GRK3: variants seen among roughly 807,000 people sequenced by gnomAD.
GRK3 encodes G protein-coupled receptor kinase 3, also known as adrenergic, beta, receptor kinase 2.
In GRK3, 54 loss-of-function variants were observed where a neutral mutation model predicts 95.7. The ratio of observed to expected loss-of-function variants is 0.56; its 90% CI spans 0.45 to 0.71. The LOEUF is 0.71. Among genes scored for constraint, GRK3 ranks in the 30% least tolerant of loss-of-function variants. The pLI, the probability that GRK3 is intolerant of heterozygous loss-of-function variation, is 0.00. For missense variants in GRK3, 649 were observed against 851.2 expected (o/e 0.76, Z 2.96); for synonymous variants, 281 against 290.8 (o/e 0.97, Z 0.34).
intron 2 of GRK3, among the ~76,000 whole-genome samples, chr22:25,632,236 T>A (rs1219167341): frequency 6.6e-6 from 1 of 152,240 alleles, no homozygotes; most frequent in Admixed American, 6.5e-5. Flanking sequence ...CTTTTGTTAT[T>A]CTAGTAAGTA....
intron 2 of GRK3, among the ~76,000 whole-genome samples, chr22:25,629,820 G>T (rs1187373508): frequency 6.6e-6 from 1 of 152,218 alleles, no homozygotes; most frequent in Non-Finnish European, 1.5e-5. Flanking sequence ...GAGGATGACA[G>T]GTGGCTGGGA....
chr22:25,684,692 G>T (rs972100328), intron 9 of GRK3: 1 of 152,634 alleles, frequency 6.6e-6, no homozygotes, highest in African/African-American at 2.4e-5. Flanking sequence ...TTTTGAAGAG[G>T]ATATAATTAG....
chr22:25,613,655 G>C (rs948586710), intron 2 of GRK3, among the ~76,000 whole-genome samples: 1 of 151,298 alleles, frequency 6.6e-6, no homozygotes, highest in Non-Finnish European at 1.5e-5. Flanking sequence ...CTAGGGTAGA[G>C]GAAAAGCTGT....
At chr22:25,649,246 C>T (rs1601500653) in intron 3 of GRK3, 5 of 1,170,248 alleles carry the variant, frequency 4.3e-6, no homozygotes, top group African/African-American at 3.0e-5. Flanking sequence ...TTCAAGTAGC[C>T]TATTTTATAT....
chr22:25,597,183 CAT>C (rs1272223637), intron 1 of GRK3, among the ~76,000 whole-genome samples: 1 of 151,824 alleles, frequency 6.6e-6, no homozygotes, highest in Admixed American at 6.6e-5. Flanking sequence ...AATGTTCTAA[CAT>C]GTGAGTAAGT....
chr22:25,657,418 G>C (rs939345158), intron 3 of GRK3, among the ~76,000 whole-genome samples: 1 of 152,100 alleles, frequency 6.6e-6, no homozygotes, highest in African/African-American at 2.4e-5. Flanking sequence ...CATATGAAAT[G>C]TGTCTATCTC....
At chr22:25,696,158 T>A (rs2085207181) in intron 13 of GRK3, among the ~76,000 whole-genome samples, 3 of 151,910 alleles carry the variant, frequency 2.0e-5, no homozygotes, top group African/African-American at 7.3e-5. Flanking sequence ...TTTTTTAATG[T>A]TTTTAGAGGT....
intron 1 of GRK3, among the ~76,000 whole-genome samples, chr22:25,574,212 G>A (rs936806823): frequency 2.6e-5 from 4 of 151,976 alleles, no homozygotes; most frequent in African/African-American, 9.7e-5. Context: ...TTAAAAATGA[G>A]GCCAGGTGTG....
intron 2 of GRK3, among the ~76,000 whole-genome samples, chr22:25,609,427 G>A (rs554020328): frequency 6.6e-6 from 1 of 152,086 alleles, no homozygotes; most frequent in African/African-American, 2.4e-5. Flanking sequence ...TGCCTCACAG[G>A]TTCAAGCAAT....
intron 1 of GRK3, among the ~76,000 whole-genome samples, chr22:25,577,224 G>A (rs1211337081): frequency 1.3e-5 from 2 of 151,740 alleles, no homozygotes; most frequent in Non-Finnish European, 2.9e-5. Flanking sequence ...CCAGGCTGGA[G>A]TGCAGCGGTG....
At chr22:25,648,609 T>C in intron 3 of GRK3, 1 of 1,154,160 alleles carries the variant, frequency 8.7e-7, no homozygotes, top group South Asian at 1.3e-5. Context: ...TGTTCCACTA[T>C]ATGCTGTTGT....
At chr22:25,608,073 A>G (rs1423136031) in intron 2 of GRK3, among the ~76,000 whole-genome samples, 1 of 152,204 alleles carries the variant, frequency 6.6e-6, no homozygotes, top group Admixed American at 6.5e-5. Flanking sequence ...AAGTGGGCTC[A>G]GATGTGGTCG....
At chr22:25,592,682 T>TGCA (rs1932532319) in intron 1 of GRK3, among the ~76,000 whole-genome samples, 2 of 147,898 alleles carry the variant, frequency 1.4e-5, no homozygotes, top group East Asian at 4.0e-4. Context: ...ATTTAAGGGG[T>TGCA]ACATGTGCAG....
chr22:25,655,222 G>A (rs1371409829), intron 3 of GRK3, among the ~76,000 whole-genome samples: 1 of 152,056 alleles, frequency 6.6e-6, no homozygotes, highest in Non-Finnish European at 1.5e-5. Flanking sequence ...AGTTCTAACT[G>A]CGTATCCTGG....
At chr22:25,601,497 A>G (rs2084409257) in intron 1 of GRK3, among the ~76,000 whole-genome samples, 1 of 152,224 alleles carries the variant, frequency 6.6e-6, no homozygotes, top group African/African-American at 2.4e-5. Flanking sequence ...TATCTGTGAG[A>G]TGCAGTTAAA....
At chr22:25,600,147 GTTT>G (rs797013361) in intron 1 of GRK3, among the ~76,000 whole-genome samples, 3 of 137,044 alleles carry the variant, frequency 2.2e-5, no homozygotes, top group Non-Finnish European at 1.6e-5. Context: ...TATCTGCAGG[GTTT>G]TTTTTTTTTT....
At chr22:25,703,427 A>G in intron 13 of GRK3, 83 bp from the exon 14 acceptor site, 1 of 1,047,270 alleles carries the variant, frequency 9.5e-7, no homozygotes, top group Admixed American at 1.9e-5. Context: ...ATAGGACATC[A>G]TACTTTACCC....
intron 3 of GRK3, among the ~76,000 whole-genome samples, chr22:25,653,286 C>T (rs1172194670): frequency 6.6e-6 from 1 of 152,114 alleles, no homozygotes. Context: ...AACCCTCCCC[C>T]AATATACTGC....
chr22:25,676,497 C>G (rs1398021515), intron 8 of GRK3, among the ~76,000 whole-genome samples: 4 of 152,052 alleles, frequency 2.6e-5, no homozygotes, highest in Non-Finnish European at 5.9e-5. Context: ...CGAGACTGTC[C>G]TGGCTAACAC....
Sources: allele counts gnomAD v4.1 joint callset (sites outside exome capture counted in the v4.1 genomes callset), GRCh38; gene constraint gnomAD v4.1.1; transcripts MANE v1.5; gene names NCBI Gene and HGNC (gene_info 2026-07-23, HGNC 2026-07-21).